Variants in TTC28 observed in about 807,000 individuals in gnomAD.
TTC28 encodes tetratricopeptide repeat protein 28.
A neutral mutation model predicts 198.0 loss-of-function variants in TTC28; 61 were observed. The observed-to-expected ratio is 0.31, with a 90% CI of 0.25 to 0.38. The LOEUF (loss-of-function observed/expected upper bound fraction) is 0.38. Ranked by LOEUF, TTC28 falls within the 10% of genes least tolerant of loss-of-function variation. The pLI, the probability that TTC28 is intolerant of heterozygous loss-of-function variation, is 1.00. For synonymous variants in TTC28, 1,171 were observed against 1,297.8 expected (o/e 0.90, Z 2.10); for missense variants, 2,678 against 3,164.0 (o/e 0.85, Z 3.69).
At chr22:28,127,225 T>C (rs564980391) in intron 6 of TTC28, among the ~76,000 whole-genome samples, 1 of 152,314 alleles carries the variant, frequency 6.6e-6, no homozygotes, top group East Asian at 1.9e-4. Context: ...AGCTTTTCTG[T>C]ACACTAGGCT....
At chr22:28,003,263 T>C (rs1937789395) in intron 14 of TTC28, among the ~76,000 whole-genome samples, 1 of 151,900 alleles carries the variant, frequency 6.6e-6, no homozygotes, top group African/African-American at 2.4e-5. Flanking sequence ...ACCGTGGAGG[T>C]GTGCCAGTGA....
chr22:28,217,378 T>C (rs919958812), intron 5 of TTC28, among the ~76,000 whole-genome samples: 1 of 152,228 alleles, frequency 6.6e-6, no homozygotes, highest in Non-Finnish European at 1.5e-5. Flanking sequence ...TTTTGCCATA[T>C]ACCTATTACA....
At chr22:28,647,631 A>G (rs1167128400) in intron 1 of TTC28, among the ~76,000 whole-genome samples, 1 of 151,942 alleles carries the variant, frequency 6.6e-6, no homozygotes, top group East Asian at 1.9e-4. Flanking sequence ...TGAGGTCAGG[A>G]GATCGAGACC....
At chr22:28,057,784 T>C (rs1437800168) in intron 12 of TTC28, among the ~76,000 whole-genome samples, 1 of 152,156 alleles carries the variant, frequency 6.6e-6, no homozygotes, top group Non-Finnish European at 1.5e-5. Flanking sequence ...TGGTATGAGG[T>C]AAGGTTCAAG....
At chr22:28,151,609 T>A (rs1441503037) in intron 6 of TTC28, among the ~76,000 whole-genome samples, 1 of 152,166 alleles carries the variant, frequency 6.6e-6, no homozygotes, top group Non-Finnish European at 1.5e-5. Context: ...CACCGATAGG[T>A]GTGGGGCACA....
intron 5 of TTC28, among the ~76,000 whole-genome samples, chr22:28,257,455 A>G (rs1931010773): frequency 6.6e-6 from 1 of 152,022 alleles, no homozygotes; most frequent in Non-Finnish European, 1.5e-5. Flanking sequence ...ATTTGCAGCA[A>G]CATGGATACA....
intron 12 of TTC28, among the ~76,000 whole-genome samples, chr22:28,059,783 T>A (rs1325595667): frequency 6.6e-6 from 1 of 151,982 alleles, no homozygotes; most frequent in Non-Finnish European, 1.5e-5. Context: ...TTGATTCTTT[T>A]ATCATTAAGA....
intron 2 of TTC28, among the ~76,000 whole-genome samples, chr22:28,378,160 T>C (rs1312612849): frequency 6.6e-6 from 1 of 151,908 alleles, no homozygotes; most frequent in Non-Finnish European, 1.5e-5. Flanking sequence ...CTAGCCAACA[T>C]GGCAAAACTC....
chr22:28,169,402 C>T (rs1391391004), intron 5 of TTC28, among the ~76,000 whole-genome samples: 1 of 152,100 alleles, frequency 6.6e-6, no homozygotes, highest in Non-Finnish European at 1.5e-5. Flanking sequence ...CTCACAATAG[C>T]AAAGACTTGG....
chr22:28,447,718 A>G (rs2047723378), intron 2 of TTC28, among the ~76,000 whole-genome samples: 1 of 152,226 alleles, frequency 6.6e-6, no homozygotes, highest in African/African-American at 2.4e-5. Context: ...AGAACAGTAA[A>G]CTGTATCAAG....
chr22:28,271,658 G>A (rs1014320946), intron 5 of TTC28, among the ~76,000 whole-genome samples: 1 of 152,132 alleles, frequency 6.6e-6, no homozygotes, highest in African/African-American at 2.4e-5. Flanking sequence ...AGGCTGGAGT[G>A]CAATGGCATG....
intron 2 of TTC28, among the ~76,000 whole-genome samples, chr22:28,504,506 A>G (rs113006498): frequency 0.02 from 3,013 of 152,274 alleles, 31 homozygotes; most frequent in Non-Finnish European, 0.027. Context: ...TTGTATTATA[A>G]TGATGTGGTG....
intron 2 of TTC28, among the ~76,000 whole-genome samples, chr22:28,391,004 G>A (rs565123205): frequency 2.0e-4 from 30 of 152,204 alleles, no homozygotes; most frequent in Middle Eastern, 3.4e-3. Flanking sequence ...CATGTTTAGC[G>A]CTTCCTTCAG....
At chr22:28,288,890 T>C (rs2044737307) in intron 5 of TTC28, among the ~76,000 whole-genome samples, 1 of 151,814 alleles carries the variant, frequency 6.6e-6, no homozygotes, top group Admixed American at 6.6e-5. Flanking sequence ...CCCAAGCTTG[T>C]TGACTATCTA....
chr22:28,060,966 G>C (rs1038979087), intron 12 of TTC28, among the ~76,000 whole-genome samples: 8 of 152,174 alleles, frequency 5.3e-5, no homozygotes, highest in African/African-American at 1.9e-4. Context: ...TTCTCTGATG[G>C]CCAGTGAGGA....
intron 1 of TTC28, among the ~76,000 whole-genome samples, chr22:28,651,833 T>G (rs1278754119): frequency 7.4e-6 from 1 of 135,428 alleles, no homozygotes; most frequent in East Asian, 1.9e-4. Context: ...GAATGCAGTT[T>G]TTGTTTGTTT....
intron 2 of TTC28, among the ~76,000 whole-genome samples, chr22:28,552,977 C>T (rs1043833956): frequency 2.6e-5 from 4 of 152,050 alleles, no homozygotes; most frequent in Admixed American, 6.5e-5. Flanking sequence ...TTGGTGGAGA[C>T]GGGGTTTCGC....
intron 1 of TTC28, among the ~76,000 whole-genome samples, chr22:28,636,993 T>C (rs1199276405): frequency 6.7e-6 from 1 of 149,932 alleles, no homozygotes; most frequent in African/African-American, 2.4e-5. Context: ...TTTTAGAGTT[T>C]CAGGTCTTCA....
intron 2 of TTC28, among the ~76,000 whole-genome samples, chr22:28,454,745 C>T (rs983029472): frequency 6.6e-6 from 1 of 152,156 alleles, no homozygotes; most frequent in African/African-American, 2.4e-5. Flanking sequence ...AAATTTAACA[C>T]ACTTTGAAAT....
Sources: allele counts gnomAD v4.1 joint callset (sites outside exome capture counted in the v4.1 genomes callset), GRCh38; gene constraint gnomAD v4.1.1; transcripts MANE v1.5; gene names NCBI Gene and HGNC (gene_info 2026-07-23, HGNC 2026-07-21).